PRKD1: variants seen among roughly 807,000 people sequenced by gnomAD.
PRKD1 encodes protein kinase D1, also known as serine/threonine-protein kinase D1.
Under a neutral mutation model 95.9 loss-of-function variants are expected in PRKD1, and 63 were observed. The observed-to-expected ratio is 0.66, with a 90% CI of 0.54 to 0.81. The LOEUF is 0.81. PRKD1 is among the 30% of genes least tolerant of loss of function. PRKD1 has a pLI of 0.00. For synonymous variants in PRKD1, 425 were observed against 423.1 expected, an observed-to-expected ratio of 1.00 and a Z score of -0.05; for missense variants, 1,048 against 1,165.3, an observed-to-expected ratio of 0.90 and a Z score of 1.47.
At chr14:29,801,692 C>T (rs1056837691) in intron 1 of PRKD1, among the ~76,000 whole-genome samples, 1 of 151,576 alleles carries the variant, frequency 6.6e-6, no homozygotes, top group Non-Finnish European at 1.5e-5. Context: ...TTAGGGTCTA[C>T]GTGTTTTTTT....
chr14:29,792,862 T>TA (rs1889607692), intron 1 of PRKD1, among the ~76,000 whole-genome samples: 1 of 152,100 alleles, frequency 6.6e-6, no homozygotes, highest in African/African-American at 2.4e-5. Context: ...TAACCAGTGT[T>TA]AAAGTGCTGC....
intron 1 of PRKD1, among the ~76,000 whole-genome samples, chr14:29,778,308 C>G (rs1201985198): frequency 3.3e-5 from 5 of 151,884 alleles, no homozygotes; most frequent in Non-Finnish European, 7.4e-5. Context: ...GAAGGAGATA[C>G]AGACACAAAA....
Position 29,634,856 on chromosome 14 carries a change from A to G in PRKD1, c.1191-315T>C, listed in dbSNP as rs551201016. Reference sequence around the variant, plus strand: ...AGACCAGCCTGGCCAAGATGGTGAAACCCCGTCTCTACTAAAAGTACAAAA... The same window carrying G: ...AGACCAGCCTGGCCAAGATGGTGAAGCCCCGTCTCTACTAAAAGTACAAAA... On this transcript the variant is annotated intron_variant, in intron 7 of 17. Coordinates refer to ENST00000331968, the MANE Select transcript of PRKD1 (RefSeq NM_002742.3). Among the ~76,000 whole-genome samples the G allele has an allele frequency of 5.7e-4, 87 of 152,002 alleles. 1 individual carries two copies. Among genetic ancestry groups the G allele is most frequent in the African/African-American group, 1.6e-3 (67 of 41,444 alleles).
intron 4 of PRKD1, among the ~76,000 whole-genome samples, chr14:29,654,703 TTATC>T (rs1187613353): frequency 1.3e-5 from 2 of 152,106 alleles, no homozygotes; most frequent in African/African-American, 2.4e-5. Flanking sequence ...GGCGGATAAT[TTATC>T]TATTTTTGCA....
chr14:29,609,714 AT>A lies in PRKD1; in HGVS notation c.1906-9898del, dbSNP rs61293890. On this transcript the variant is annotated intron_variant, in intron 13 of 17. Coordinates refer to ENST00000331968, the MANE Select transcript of PRKD1 (RefSeq NM_002742.3). ...CACCACCACGCCCAGCTATTTCTTTATTTTTTTTTTTTTTTTGTACTTTTAG... is the reference window on the plus strand; with the variant it reads ...CACCACCACGCCCAGCTATTTCTTTATTTTTTTTTTTTTTTGTACTTTTAG... Among the ~76,000 whole-genome samples the A allele has an allele frequency of 4.4e-3, 581 of 132,048 alleles. 5 individuals carry two copies. The highest frequency in any genetic ancestry group is 0.015 in the African/African-American group (528 of 34,482). 86.6% of individuals were successfully genotyped at this position (132,048 alleles called of 152,430 possible).
chr14:29,616,243 CAAAAAA>C (rs72142312), intron 13 of PRKD1, among the ~76,000 whole-genome samples: 3 of 33,956 alleles, frequency 8.8e-5, no homozygotes, highest in African/African-American at 1.3e-4. Flanking sequence ...AGAGTATGGC[CAAAAAA>C]AAAAAAAAAA....
intron 2 of PRKD1, among the ~76,000 whole-genome samples, chr14:29,684,481 T>C (rs575107616): frequency 6.6e-6 from 1 of 152,346 alleles, no homozygotes; most frequent in Admixed American, 6.5e-5. Flanking sequence ...TCAGACATTG[T>C]TATCACCTTT....
At chr14:29,649,505 T>G (rs1288922757) in intron 4 of PRKD1, among the ~76,000 whole-genome samples, 3 of 152,102 alleles carry the variant, frequency 2.0e-5, no homozygotes, top group Non-Finnish European at 4.4e-5. Flanking sequence ...GTAGTTGATT[T>G]TTTTTTGGCT....
intron 13 of PRKD1, among the ~76,000 whole-genome samples, chr14:29,601,398 C>T (rs1001404389): frequency 6.6e-6 from 1 of 152,198 alleles, no homozygotes; most frequent in Non-Finnish European, 1.5e-5. Flanking sequence ...ATAATGGAGT[C>T]ATGGAATTGC....
intron 13 of PRKD1, among the ~76,000 whole-genome samples, chr14:29,618,814 A>G (rs1479314840): frequency 6.6e-6 from 1 of 151,044 alleles, no homozygotes; most frequent in Non-Finnish European, 1.5e-5. Context: ...ACCTTTTCTC[A>G]CATTCCCTAT....
At chr14:29,870,745 G>T (rs1026238059) in intron 1 of PRKD1, among the ~76,000 whole-genome samples, 1 of 151,952 alleles carries the variant, frequency 6.6e-6, no homozygotes, top group African/African-American at 2.4e-5. Context: ...TCTATTATAT[G>T]GTTATAAATG....
chr14:29,889,724 C>T (rs1175559559), intron 1 of PRKD1, among the ~76,000 whole-genome samples: 1 of 152,160 alleles, frequency 6.6e-6, no homozygotes, highest in East Asian at 1.9e-4. Flanking sequence ...GAACACCACA[C>T]ATCAGAGCCT....
Position 29,722,696 on chromosome 14 carries a change from T to C in PRKD1, c.403+2840A>G, listed in dbSNP as rs544127316. 2.6e-5 allele frequency among the ~76,000 whole-genome samples: 4 copies of C among 152,250 alleles called. No individual in the cohort carries two copies. The South Asian group carries it at 8.3e-4, about 32-fold the overall frequency. Reference sequence around the variant, plus strand: ...GCCAGGTGAAAGTTGGATCTGCATTTAGTCAGGTAGGCTGGGAACTGTGTG... The same window carrying C: ...GCCAGGTGAAAGTTGGATCTGCATTCAGTCAGGTAGGCTGGGAACTGTGTG... On this transcript the variant is annotated intron_variant, in intron 2 of 17. Transcript: ENST00000331968.
intron 2 of PRKD1, among the ~76,000 whole-genome samples, chr14:29,672,027 A>C (rs951544071): frequency 3.3e-5 from 5 of 152,162 alleles, no homozygotes; most frequent in African/African-American, 9.7e-5. Flanking sequence ...CTTAACAGAA[A>C]TCAATGTCAA....
chr14:29,770,191 T>C (rs1490253339), intron 1 of PRKD1, among the ~76,000 whole-genome samples: 1 of 152,208 alleles, frequency 6.6e-6, no homozygotes, highest in African/African-American at 2.4e-5. Context: ...TCTCTGCTGT[T>C]TATAAATTAC....
intron 17 of PRKD1, among the ~76,000 whole-genome samples, chr14:29,577,699 C>T (rs1344633603): frequency 6.6e-6 from 1 of 152,152 alleles, no homozygotes; most frequent in Non-Finnish European, 1.5e-5. Flanking sequence ...TTAATGTTTG[C>T]AGTCAAGCAA....
chr14:29,784,752 C>T (rs1056237841), intron 1 of PRKD1, among the ~76,000 whole-genome samples: 18 of 152,238 alleles, frequency 1.2e-4, no homozygotes, highest in South Asian at 4.1e-4. Flanking sequence ...TCAATTCCTA[C>T]GGCTACAAGA....
At chr14:29,863,576 T>C (rs1003344659) in intron 1 of PRKD1, among the ~76,000 whole-genome samples, 2 of 152,184 alleles carry the variant, frequency 1.3e-5, no homozygotes, top group South Asian at 2.1e-4. Flanking sequence ...AAATGTTGAA[T>C]GTTAGACAAG....
intron 4 of PRKD1, among the ~76,000 whole-genome samples, chr14:29,648,847 G>A (rs913063970): frequency 1.3e-5 from 2 of 152,030 alleles, no homozygotes; most frequent in Non-Finnish European, 2.9e-5. Context: ...GTAGAGACGG[G>A]GTTTCACCGT....
Sources: gnomAD v4.1 joint callset for allele counts (sites outside exome capture counted in the v4.1 genomes callset) on GRCh38, gnomAD v4.1.1 for gene constraint, MANE v1.5 for transcripts, NCBI Gene and HGNC (gene_info 2026-07-23, HGNC 2026-07-21) for gene names.